ERG28: variants seen among roughly 807,000 people sequenced by gnomAD.
The protein encoded by ERG28 is ergosterol biosynthetic protein 28 homolog.
Under a neutral mutation model 15.7 loss-of-function variants are expected in ERG28, and 9 were observed. That is an observed-to-expected ratio of 0.57 (90% CI 0.35 to 1.00). The LOEUF (loss-of-function observed/expected upper bound fraction) is 1.00, where lower values mean the gene tolerates loss of function less well. Ranked by LOEUF, ERG28 falls within the 50% of genes least tolerant of loss-of-function variation. The probability of loss-of-function intolerance (pLI) is 0.02; values close to 1 mark genes in which losing one functional copy is unlikely to be tolerated. For synonymous variants in ERG28, 61 were observed against 68.4 expected, an observed-to-expected ratio of 0.89 and a Z score of 0.53; for missense variants, 117 against 173.3, an observed-to-expected ratio of 0.68 and a Z score of 1.82.
Position 75,651,635 on chromosome 14 carries a change from C to T in ERG28, c.344-1G>A. ...ACCAGCATACCCAGGATGGAGAAAC[C>T]TTAAATACAGAGGAAAGACTAGTGA... is the stretch of plus-strand genomic sequence containing the variant. On this transcript the variant is annotated splice_acceptor_variant, in intron 4 of 4. Coordinates refer to ENST00000256319, the MANE Select transcript of ERG28 (RefSeq NM_007176.4). LOFTEE classifies it high-confidence loss of function. The T allele has an allele frequency of 1.9e-6, 3 of 1,613,002 alleles. No homozygotes were observed. The highest frequency in any genetic ancestry group is 1.7e-6 in the Non-Finnish European group (2 of 1,179,018).
chr14:75,651,790 C>T lies in ERG28; in HGVS notation c.324G>A (p.Leu108=). 1.2e-6 allele frequency: 2 copies of T among 1,613,888 alleles called. No homozygotes were observed. Among genetic ancestry groups the T allele is most frequent in the Non-Finnish European group, 1.7e-6 (2 of 1,179,754 alleles). Residue 108 remains leucine (L), a synonymous_variant, in exon 4 of 5, where the codon CTG becomes CTA. Transcript: ENST00000256319. ...YGTAAPTIGV[L]APLMVASFSI... ...GCTTACTTGCCACCATCAGGGGTGC[C>T]AGGACGCCAATCGTGGGAGCTGCAG...
rs977489504 is a variant in ERG28, at chr14:75,650,369, G to A, written c.*1186C>T. The A allele has an allele frequency of 5.3e-5, 8 of 152,360 alleles. No individual in the cohort carries two copies. Among genetic ancestry groups the A allele is most frequent in the Admixed American group, 2.6e-4 (4 of 15,308 alleles). 9.4% of individuals were successfully genotyped at this position (152,360 alleles called of 1,614,324 possible). On this transcript the variant is annotated 3_prime_UTR_variant, in exon 5 of 5. Transcript: ENST00000256319. ...ACAGGGCAGGGGCATTGCCTGTGTC[G>A]TTCATTTCTCTTTCCCAAGTGTCCG...
At chr14:75,659,793 C>T (rs1402955936) in intron 1 of ERG28, among the ~76,000 whole-genome samples, 1 of 152,018 alleles carries the variant, frequency 6.6e-6, no homozygotes, top group East Asian at 1.9e-4. Flanking sequence ...ATACAAGTTT[C>T]GGTATTGTTC....
In ERG28 at chr14:75,651,511, C is replaced by T; in HGVS notation, c.*44G>A. ...GAGAGACGACGAAGGAAGAAGATGGCCAAGGTGGAAAACGAGAAAGTCCTG... is the reference window on the plus strand; with the variant it reads ...GAGAGACGACGAAGGAAGAAGATGGTCAAGGTGGAAAACGAGAAAGTCCTG... On this transcript the variant is annotated 3_prime_UTR_variant, in exon 5 of 5. Coordinates refer to ENST00000256319, the MANE Select transcript of ERG28 (RefSeq NM_007176.4). 6.5e-7 allele frequency: 1 copy of T among 1,545,948 alleles called. No individual in the cohort carries two copies. The highest frequency in any genetic ancestry group is 1.4e-5 in the African/African-American group (1 of 73,504).
chr14:75,659,875 C>A (rs61565291), intron 1 of ERG28, among the ~76,000 whole-genome samples: 2 of 150,982 alleles, frequency 1.3e-5, no homozygotes, highest in South Asian at 2.1e-4. Context: ...CCGCCCCCCC[C>A]CGCCAACTCC....
In ERG28 at chr14:75,657,548, C is replaced by T; in HGVS notation, c.-31-15G>A. The T allele has an allele frequency of 1.2e-6, 2 of 1,610,280 alleles. No individual in the cohort carries two copies. The highest frequency in any genetic ancestry group is 1.7e-6 in the Non-Finnish European group (2 of 1,177,722). On this transcript the variant is annotated splice_polypyrimidine_tract_variant and intron_variant, in intron 1 of 4. Transcript: ENST00000256319. Reference sequence around the variant, plus strand: ...GGGCTTTTTGCCTTGGAAACAAAGGCAGAGGACATGAGACAATGAGGGCCA... The same window carrying T: ...GGGCTTTTTGCCTTGGAAACAAAGGTAGAGGACATGAGACAATGAGGGCCA...
Position 75,657,618 on chromosome 14 carries a change from C to A in ERG28, c.-31-85G>T, listed in dbSNP as rs1319452872. On this transcript the variant is annotated intron_variant, in intron 1 of 4. Coordinates refer to ENST00000256319, the MANE Select transcript of ERG28 (RefSeq NM_007176.4). ...AGGAAGGGAGGAAGAATGAAGCAGG[C>A]CAAAAAAAGAAATTCAGTCACACTA... The A allele has an allele frequency of 8.5e-6, 11 of 1,287,762 alleles. No homozygotes were observed. The African/African-American group carries it at 1.2e-4, about 14-fold the overall frequency. 79.8% of individuals were successfully genotyped at this position (1,287,762 alleles called of 1,614,324 possible).
At chr14:75,652,817 C>CTTTTTTTTTTTT (rs59570063) in intron 3 of ERG28, among the ~76,000 whole-genome samples, 2 of 96,210 alleles carry the variant, frequency 2.1e-5, no homozygotes, top group Non-Finnish European at 3.7e-5. Context: ...ATTTTTACAC[C>CTTTTTTTTTTTT]TTTTTTTTTT....
intron 2 of ERG28, among the ~76,000 whole-genome samples, chr14:75,656,889 T>G (rs1048196346): frequency 9.2e-5 from 14 of 152,222 alleles, no homozygotes; most frequent in African/African-American, 3.4e-4. Context: ...ATGAGTCATG[T>G]AAGCCCCAGA....
chr14:75,654,411 G>A (rs1890571378), intron 3 of ERG28, among the ~76,000 whole-genome samples: 1 of 152,182 alleles, frequency 6.6e-6, no homozygotes, highest in Non-Finnish European at 1.5e-5. Flanking sequence ...AGATTCAGGA[G>A]CCCTAGCTTC....
At chr14:75,655,415 A>G (rs908639143) in intron 2 of ERG28, among the ~76,000 whole-genome samples, 2 of 152,196 alleles carry the variant, frequency 1.3e-5, no homozygotes, top group Non-Finnish European at 2.9e-5. Context: ...CTGGGGACCA[A>G]TTTAGATGCC....
chr14:75,656,886 A>AT (rs1447080700), intron 2 of ERG28, among the ~76,000 whole-genome samples: 1 of 152,198 alleles, frequency 6.6e-6, no homozygotes, highest in African/African-American at 2.4e-5. Context: ...AATATGAGTC[A>AT]TGTAAGCCCC....
chr14:75,654,793 A>C, intron 3 of ERG28, 93 bp downstream of exon 3: 2 of 1,306,342 alleles, frequency 1.5e-6, no homozygotes, highest in Non-Finnish European at 2.2e-6. Flanking sequence ...ATGCATTAAA[A>C]TGATTAACAG....
At chr14:75,658,282 G>A (rs1381238495) in intron 1 of ERG28, among the ~76,000 whole-genome samples, 1 of 152,046 alleles carries the variant, frequency 6.6e-6, no homozygotes, top group East Asian at 1.9e-4. Context: ...CAAGACCTAA[G>A]GCCATGCCAG....
Position 75,654,927 on chromosome 14 carries a change from T to G in ERG28, c.183A>C (p.Ser61=), listed in dbSNP as rs777890454. 33 of 1,614,024 alleles carry G rather than the reference T, an allele frequency of 2.0e-5. No homozygotes were observed. Among genetic ancestry groups the G allele is most frequent in the Non-Finnish European group, 2.7e-5 (32 of 1,179,996 alleles). ...CAATGGCACAGAGGCAGCGAATCAC[T>G]GATGAGAGCAGCGTCCAGATCCCAA... ...RTFGIWTLLS[S]VIRCLCAIDI... is the part of the protein sequence containing the mutation. Residue 61 remains serine, a synonymous_variant, in exon 3 of 5, where the codon TCA becomes TCC. Transcript: ENST00000256319.
chr14:75,657,409 A>C lies in ERG28; in HGVS notation c.94T>G (p.Phe32Val). Reference sequence around the variant, plus strand: ...CCAGTGTAGAGCTTTTCATAGAGAAAAGTGTGGTCTCGGAAGCTCTGCAGC... The same window carrying C: ...CCAGTGTAGAGCTTTTCATAGAGAACAGTGTGGTCTCGGAAGCTCTGCAGC... ...NTLQSFRDHT[F>V]LYEKLYTGKP... Residue 32 changes from phenylalanine to valine, a missense_variant, in exon 2 of 5, where the codon TTT (phenylalanine) becomes GTT (valine). By Grantham distance (50) the Phe-to-Val change is conservative. Coordinates refer to ENST00000256319, the MANE Select transcript of ERG28 (RefSeq NM_007176.4). 6.2e-7 allele frequency: 1 copy of C among 1,613,084 alleles called. No individual in the cohort carries two copies. The highest frequency in any genetic ancestry group is 1.1e-5 in the South Asian group (1 of 91,006).
rs1890523398 is a variant in ERG28, at chr14:75,651,343, G to A, written c.*212C>T. On this transcript the variant is annotated 3_prime_UTR_variant, in exon 5 of 5. Transcript: ENST00000256319. The stretch of plus-strand genomic sequence containing the variant: ...TTCTTGACTTGGATGGAGTTACGTA[G>A]TATTCACTTTAAAATTATTCTTTAA... 1 of 436,494 alleles carries A rather than the reference G, an allele frequency of 2.3e-6. No homozygotes were observed. Among genetic ancestry groups the A allele is most frequent in the South Asian group, 5.0e-5 (1 of 20,040 alleles). 27.0% of individuals were successfully genotyped at this position (436,494 alleles called of 1,614,324 possible).
chr14:75,656,935 T>C (rs1181584838), intron 2 of ERG28, among the ~76,000 whole-genome samples: 1 of 152,022 alleles, frequency 6.6e-6, no homozygotes, highest in Non-Finnish European at 1.5e-5. Flanking sequence ...GGCTTTGAGA[T>C]ATATGTAAAG....
Position 75,651,850 on chromosome 14 carries a change from C to T in ERG28, c.264G>A (p.Leu88=), listed in dbSNP as rs766986300. ...CAAACAACTCAGAGAGGAAATGCCC[C>T]AGGGCAAGGAGGAAGGTCCAGAGTG... is the stretch of plus-strand genomic sequence containing the variant. The part of the protein sequence containing the change: ...HITLWTFLLA[L]GHFLSELFVY... The change falls in exon 4 of 5, where the codon CTG becomes CTA. Residue 88 remains leucine (L), a synonymous_variant. Transcript: ENST00000256319. 6.2e-7 allele frequency: 1 copy of T among 1,613,972 alleles called. No individual in the cohort carries two copies. Among genetic ancestry groups the T allele is most frequent in the South Asian group, 1.1e-5 (1 of 91,078 alleles).
Sources: allele counts gnomAD v4.1 joint callset (sites outside exome capture counted in the v4.1 genomes callset), GRCh38; gene constraint gnomAD v4.1.1; transcripts MANE v1.5; gene names NCBI Gene and HGNC (gene_info 2026-07-23, HGNC 2026-07-21).